DCC: variants seen among roughly 807,000 people sequenced by gnomAD.
DCC encodes the protein netrin receptor DCC.
In DCC, 58 loss-of-function variants were observed where a neutral mutation model predicts 172.5. The ratio of observed to expected loss-of-function variants is 0.34; its 90% CI spans 0.27 to 0.42. DCC has a LOEUF of 0.42. Among genes scored for constraint, DCC ranks in the 10% least tolerant of loss-of-function variants. The pLI is 1.00. For missense variants in DCC, 1,740 were observed against 1,791.0 expected (o/e 0.97, Z 0.51); for synonymous variants, 709 against 644.5 (o/e 1.10, Z -1.52).
At chr18:53,369,988 G>A (rs1118897) in intron 15 of DCC, among the ~76,000 whole-genome samples, 71,761 of 151,412 alleles carry the variant, frequency 0.47, 17,706 homozygotes, top group Non-Finnish European at 0.54. Flanking sequence ...GAGTTAGGAA[G>A]TGTTCCCTCC....
intron 23 of DCC, among the ~76,000 whole-genome samples, chr18:53,457,547 G>T (rs547924189): frequency 9.2e-5 from 14 of 152,284 alleles, no homozygotes; most frequent in African/African-American, 3.4e-4. Flanking sequence ...TAGAAAGAGA[G>T]ATAACAGGGT....
chr18:53,471,043 T>C (rs529305717), intron 25 of DCC, among the ~76,000 whole-genome samples: 1 of 152,328 alleles, frequency 6.6e-6, no homozygotes, highest in African/African-American at 2.4e-5. Context: ...TTGACCACTC[T>C]TTTCCACCTT....
intron 2 of DCC, among the ~76,000 whole-genome samples, chr18:52,875,161 C>T (rs1169409233): frequency 6.6e-6 from 1 of 151,942 alleles, no homozygotes; most frequent in South Asian, 2.1e-4. Context: ...AATTTCTCAC[C>T]ACCCAGAAAG....
At chr18:52,686,849 A>G (rs1054135684) in intron 1 of DCC, among the ~76,000 whole-genome samples, 9 of 152,058 alleles carry the variant, frequency 5.9e-5, no homozygotes, top group Admixed American at 1.3e-4. Context: ...ATTTCTGCCA[A>G]TCCCTCAGTC....
chr18:52,727,916 G>A (rs935036085), intron 1 of DCC, among the ~76,000 whole-genome samples: 1 of 152,094 alleles, frequency 6.6e-6, no homozygotes, highest in African/African-American at 2.4e-5. Flanking sequence ...GCTTTATTGT[G>A]GCTTTCATTT....
intron 7 of DCC, among the ~76,000 whole-genome samples, chr18:53,102,945 C>A (rs533343028): frequency 6.6e-6 from 1 of 152,140 alleles, no homozygotes; most frequent in African/African-American, 2.4e-5. Context: ...TTATCCTTGC[C>A]ACTTAAGGAG....
At chr18:53,031,808 A>G (rs2042029509) in intron 5 of DCC, among the ~76,000 whole-genome samples, 1 of 152,092 alleles carries the variant, frequency 6.6e-6, no homozygotes, top group Non-Finnish European at 1.5e-5. Flanking sequence ...TTTGTAGCAT[A>G]TGTTTTTAAT....
At chr18:53,249,699 C>T (rs551808979) in intron 12 of DCC, among the ~76,000 whole-genome samples, 98 of 151,966 alleles carry the variant, frequency 6.4e-4, no homozygotes, top group African/African-American at 2.2e-3. Flanking sequence ...AATGTGTTCC[C>T]TAAGAACCAC....
intron 1 of DCC, among the ~76,000 whole-genome samples, chr18:52,662,565 GGGAGGGAA>G (rs1350037628): frequency 1.2e-3 from 124 of 106,582 alleles, no homozygotes; most frequent in Middle Eastern, 4.1e-3. Context: ...GAGGGAGGGA[GGGAGGGAA>G]GGAAGGAAGG....
chr18:53,423,804 C>A (rs1910759637), intron 21 of DCC, among the ~76,000 whole-genome samples: 1 of 152,138 alleles, frequency 6.6e-6, no homozygotes, highest in South Asian at 2.1e-4. Flanking sequence ...TCCCTACCTC[C>A]CTAATTTAGA....
chr18:52,833,665 T>C (rs868796787), intron 2 of DCC, among the ~76,000 whole-genome samples: 10 of 152,130 alleles, frequency 6.6e-5, no homozygotes, highest in African/African-American at 2.2e-4. Flanking sequence ...AAATGTTATA[T>C]GTTTCTGTTG....
intron 5 of DCC, among the ~76,000 whole-genome samples, chr18:52,950,490 G>C (rs2040621131): frequency 6.6e-6 from 1 of 152,186 alleles, no homozygotes; most frequent in Admixed American, 6.5e-5. Context: ...GGACAAGAGA[G>C]ATATAGATTA....
rs1228904421 is a variant in DCC, at chr18:53,499,313, C to T, written c.3914C>T (p.Pro1305Leu). ...TCCACTGCAGCAGTGAGTGAAGGAC[C>T]AACTACCCAACAACCACCTATGCTG... ...AGRSQSVSEG[P>L]TTQQPPMLPP... Residue 1305 changes from proline to leucine, a missense_variant, in exon 27 of 29, where the codon CCA becomes CTA. Pro to Leu is a moderately conservative substitution (Grantham distance 98, BLOSUM62 -3). Transcript: ENST00000442544. 2 of 1,613,922 alleles carry T rather than the reference C, an allele frequency of 1.2e-6. No individual in the cohort carries two copies. Among genetic ancestry groups the T allele is most frequent in the Non-Finnish European group, 1.7e-6 (2 of 1,179,968 alleles).
chr18:52,736,728 A>G (rs1599060453), intron 1 of DCC, among the ~76,000 whole-genome samples: 2 of 152,306 alleles, frequency 1.3e-5, no homozygotes, highest in South Asian at 2.1e-4. Context: ...TTATGTTCTC[A>G]TGATAACTAA....
In DCC at chr18:52,677,265, T is replaced by C. The variant is rs577749625; in HGVS notation, c.92-74789T>C. Among the ~76,000 whole-genome samples the C allele has an allele frequency of 4.6e-5, 7 of 152,292 alleles. No individual in the cohort carries two copies. The East Asian group carries it at 1.4e-3, about 29-fold the overall frequency. On this transcript the variant is annotated intron_variant, in intron 1 of 28. Coordinates refer to ENST00000442544, the MANE Select transcript of DCC (RefSeq NM_005215.4). ...CAGAGCTAATACAGAGTGAATTCATTAATGTTAAAACTAACTTTACTCCCT... is the reference window on the plus strand; with the variant it reads ...CAGAGCTAATACAGAGTGAATTCATCAATGTTAAAACTAACTTTACTCCCT...
intron 16 of DCC, among the ~76,000 whole-genome samples, chr18:53,390,741 TC>T (rs1908495492): frequency 6.6e-6 from 1 of 152,168 alleles, no homozygotes. Context: ...AACACACACA[TC>T]ATTTTGCAGA....
chr18:53,474,509 T>G (rs977761437), intron 25 of DCC, among the ~76,000 whole-genome samples: 3 of 152,172 alleles, frequency 2.0e-5, no homozygotes, highest in African/African-American at 7.2e-5. Flanking sequence ...GGCAGGTCTT[T>G]CCTGTGCTAT....
chr18:53,444,208 A>G (rs1038289592), intron 22 of DCC, among the ~76,000 whole-genome samples: 1 of 152,232 alleles, frequency 6.6e-6, no homozygotes, highest in African/African-American at 2.4e-5. Flanking sequence ...GAAAGGAATG[A>G]TCAATTGATG....
intron 12 of DCC, among the ~76,000 whole-genome samples, chr18:53,266,769 A>G (rs775528902): frequency 3.3e-5 from 5 of 151,920 alleles, no homozygotes; most frequent in African/African-American, 1.2e-4. Flanking sequence ...TATAAATGAA[A>G]TCATACTAGA....
Sources: gnomAD v4.1 joint callset for allele counts (sites outside exome capture counted in the v4.1 genomes callset) on GRCh38, gnomAD v4.1.1 for gene constraint, MANE v1.5 for transcripts, NCBI Gene and HGNC (gene_info 2026-07-23, HGNC 2026-07-21) for gene names.